Variants in GMDS observed in about 807,000 individuals in gnomAD.
The protein encoded by GMDS is GDP-mannose 4,6-dehydratase.
GMDS carries 20 observed loss-of-function variants against 49.9 expected under a neutral mutation model. The ratio of observed to expected loss-of-function variants is 0.40; its 90% CI spans 0.28 to 0.58. GMDS has a LOEUF of 0.58. Ranked by LOEUF, GMDS falls within the 20% of genes least tolerant of loss-of-function variation. GMDS has a pLI of 0.42. For missense variants in GMDS, 362 were observed against 481.4 expected, an observed-to-expected ratio of 0.75 and a Z score of 2.32; for synonymous variants, 177 against 178.6, an observed-to-expected ratio of 0.99 and a Z score of 0.07.
intron 6 of GMDS, among the ~76,000 whole-genome samples, chr6:1,946,155 T>G (rs1763066606): frequency 1.3e-5 from 2 of 151,954 alleles, no homozygotes; most frequent in Non-Finnish European, 1.5e-5. Flanking sequence ...CAACAAAAAG[T>G]CAAACAGGAA....
intron 1 of GMDS, among the ~76,000 whole-genome samples, chr6:2,147,643 C>G (rs1242931478): frequency 6.6e-6 from 1 of 151,632 alleles, no homozygotes; most frequent in Non-Finnish European, 1.5e-5. Context: ...TATCCCTCCC[C>G]TCTCCACATA....
chr6:2,027,070 A>G (rs999774190), intron 4 of GMDS, among the ~76,000 whole-genome samples: 1 of 152,210 alleles, frequency 6.6e-6, no homozygotes, highest in South Asian at 2.1e-4. Context: ...AACAGGAACC[A>G]GAGAATATAG....
intron 6 of GMDS, among the ~76,000 whole-genome samples, chr6:1,933,799 AT>A (rs1383302900): frequency 6.6e-6 from 1 of 152,116 alleles, no homozygotes; most frequent in African/African-American, 2.4e-5. Context: ...ATTTGCAAAG[AT>A]TTTCTCTCAT....
intron 8 of GMDS, among the ~76,000 whole-genome samples, chr6:1,732,715 C>A (rs1441682939): frequency 6.6e-6 from 1 of 152,124 alleles, no homozygotes; most frequent in Non-Finnish European, 1.5e-5. Flanking sequence ...CCACAGAGCA[C>A]CCCAAACAGC....
At chr6:1,644,094 G>C (rs1396088463) in intron 9 of GMDS, among the ~76,000 whole-genome samples, 2 of 152,182 alleles carry the variant, frequency 1.3e-5, no homozygotes, top group Non-Finnish European at 1.5e-5. Context: ...CTTCTGGCAA[G>C]GAACCCCCGG....
chr6:1,628,561 T>C (rs540839261), intron 9 of GMDS, among the ~76,000 whole-genome samples: 1 of 152,362 alleles, frequency 6.6e-6, no homozygotes, highest in East Asian at 1.9e-4. Context: ...TTGGGAAAAC[T>C]TTAATATTTA....
chr6:2,094,115 A>G (rs771493763), intron 4 of GMDS, among the ~76,000 whole-genome samples: 10 of 152,352 alleles, frequency 6.6e-5, no homozygotes, highest in Middle Eastern at 3.4e-3. Context: ...ACCAATGTCG[A>G]TAAGATTCTA....
At chr6:2,032,797 A>G (rs923963889) in intron 4 of GMDS, among the ~76,000 whole-genome samples, 3 of 152,178 alleles carry the variant, frequency 2.0e-5, no homozygotes, top group Non-Finnish European at 4.4e-5. Flanking sequence ...GTCTTCCAGA[A>G]AGTCACCATA....
intron 7 of GMDS, among the ~76,000 whole-genome samples, chr6:1,902,481 T>A (rs577732623): frequency 6.6e-6 from 1 of 152,288 alleles, no homozygotes; most frequent in South Asian, 2.1e-4. Context: ...TGCTGCTAGA[T>A]CCTTAATAAC....
chr6:1,971,515 A>G (rs1764608299), intron 4 of GMDS, among the ~76,000 whole-genome samples: 1 of 152,224 alleles, frequency 6.6e-6, no homozygotes, highest in Non-Finnish European at 1.5e-5. Flanking sequence ...TTGTATGCTC[A>G]AGGCATATTA....
chr6:2,053,119 T>C (rs1770542436), intron 4 of GMDS, among the ~76,000 whole-genome samples: 1 of 152,186 alleles, frequency 6.6e-6, no homozygotes, highest in African/African-American at 2.4e-5. Context: ...AAAATATATA[T>C]TTTTACTGTT....
In GMDS at chr6:1,966,150, C is replaced by G. The variant is rs192677957; in HGVS notation, c.346-5184G>C. On this transcript the variant is annotated intron_variant, in intron 4 of 10. Transcript: ENST00000380815. ...ACCTTTACAGAAGAAGCTTCCAAAC[C>G]CCCAAAACTAAACCATAGTTATAAC... 1.2e-4 allele frequency among the ~76,000 whole-genome samples: 19 copies of G among 152,204 alleles called. No homozygotes were observed. The East Asian group carries it at 2.3e-3, about 19-fold the overall frequency.
At chr6:1,810,509 T>C (rs188020414) in intron 7 of GMDS, among the ~76,000 whole-genome samples, 86 of 151,966 alleles carry the variant, frequency 5.7e-4, no homozygotes, top group African/African-American at 2.0e-3. Context: ...TCTCGAACTC[T>C]TGACCTCAGG....
At position 1,640,188 on chromosome 6, in the gene GMDS, C is replaced by T. The variant is rs571583915; in HGVS notation, c.988-15648G>A. ...GCAGCACTGTTGCCCAAGGCTCCCC[C>T]ACATCACTCTTCAGTTCTAGCAATC... On this transcript the variant is annotated intron_variant, in intron 9 of 10. Transcript: ENST00000380815. This position sits in a 1 kb window ranked among gnomAD's most constrained non-coding sequence, Gnocchi z 4.0. Among the ~76,000 whole-genome samples the T allele has an allele frequency of 1.5e-4, 23 of 152,198 alleles. No individual in the cohort carries two copies. Among genetic ancestry groups the T allele is most frequent in the Non-Finnish European group, 2.9e-5 (2 of 68,034 alleles).
rs181064139 is a variant in GMDS, at chr6:1,703,242, T to C, written c.987+23174A>G. On this transcript the variant is annotated intron_variant, in intron 9 of 10. Coordinates refer to ENST00000380815, the MANE Select transcript of GMDS (RefSeq NM_001500.4). ...GGGTGTGCTCACTTTGTTCTCTCTC[T>C]CTGCCTCCTCTGTCCCTGCCTCCAC... is the stretch of plus-strand genomic sequence containing the variant. Among the ~76,000 whole-genome samples the C allele has an allele frequency of 1.5e-3, 221 of 152,266 alleles. 1 individual carries two copies. The highest frequency in any genetic ancestry group is 5.0e-3 in the African/African-American group (209 of 41,552).
intron 4 of GMDS, among the ~76,000 whole-genome samples, chr6:2,107,232 A>G (rs1469897197): frequency 6.6e-6 from 1 of 152,214 alleles, no homozygotes; most frequent in African/African-American, 2.4e-5. Context: ...CAGGGAGAGG[A>G]GAACTTTCAT....
intron 4 of GMDS, among the ~76,000 whole-genome samples, chr6:2,061,953 C>T (rs1771208297): frequency 6.6e-6 from 1 of 152,106 alleles, no homozygotes; most frequent in African/African-American, 2.4e-5. Flanking sequence ...TGAATTTTGA[C>T]TTTAAAACCT....
chr6:2,073,746 T>C (rs1352718695), intron 4 of GMDS, among the ~76,000 whole-genome samples: 1 of 152,198 alleles, frequency 6.6e-6, no homozygotes, highest in African/African-American at 2.4e-5. Context: ...CTCACACATA[T>C]CAGTGACAAC....
intron 7 of GMDS, among the ~76,000 whole-genome samples, chr6:1,835,284 A>T (rs1311094613): frequency 6.6e-6 from 1 of 152,170 alleles, no homozygotes; most frequent in Non-Finnish European, 1.5e-5. Flanking sequence ...GAGGTGGCTT[A>T]TGCTGCTGCA....
Sources: gnomAD v4.1 joint callset for allele counts (sites outside exome capture counted in the v4.1 genomes callset) on GRCh38, gnomAD v4.1.1 for gene constraint, Gnocchi (gnomAD v3.1) non-coding constraint, MANE v1.5 for transcripts, NCBI Gene and HGNC (gene_info 2026-07-23, HGNC 2026-07-21) for gene names.